Variants in TMCO6 observed in about 807,000 individuals in gnomAD.
TMCO6 encodes the protein transmembrane and coiled-coil domain-containing protein 6.
TMCO6 carries 47 observed loss-of-function variants against 61.8 expected under a neutral mutation model. The ratio of observed to expected loss-of-function variants is 0.76; its 90% CI spans 0.60 to 0.97. The LOEUF is 0.97. Among genes scored for constraint, TMCO6 ranks in the 50% least tolerant of loss-of-function variants. The pLI is 0.00. For synonymous variants in TMCO6, 261 were observed against 254.2 expected, an observed-to-expected ratio of 1.03 and a Z score of -0.25; for missense variants, 557 against 601.6, an observed-to-expected ratio of 0.93 and a Z score of 0.78.
chr5:140,637,974 CCTTT>C (rs202156970), upstream of TMCO6, among the ~76,000 whole-genome samples: 601 of 150,516 alleles, frequency 4.0e-3, 2 homozygotes, highest in Admixed American at 9.9e-3. Context: ...TTCTTTTCTC[CCTTT>C]CTTTCTTTCT....
At chr5:140,599,040 C>A in the TMCO6 span, among the ~76,000 whole-genome samples, 1 of 152,224 alleles carries the variant, frequency 6.6e-6, no homozygotes, top group Non-Finnish European at 1.5e-5. Context: ...TATCTACCAG[C>A]TATGTGTGAG....
At chr5:140,603,935 G>A in the TMCO6 span, among the ~76,000 whole-genome samples, 1 of 152,140 alleles carries the variant, frequency 6.6e-6, no homozygotes, top group Non-Finnish European at 1.5e-5. Flanking sequence ...CAGAGTAGCT[G>A]CACCATTTTA....
At chr5:140,608,184 G>A in the TMCO6 span, among the ~76,000 whole-genome samples, 1 of 152,034 alleles carries the variant, frequency 6.6e-6, no homozygotes, top group Non-Finnish European at 1.5e-5. Context: ...TTTCTTTGTG[G>A]CAATGTTCAG....
chr5:140,617,435 T>C, the TMCO6 span, among the ~76,000 whole-genome samples: 1 of 152,118 alleles, frequency 6.6e-6, no homozygotes, highest in Non-Finnish European at 1.5e-5. Flanking sequence ...ACACCTGTAA[T>C]CCCAGCTATT....
the TMCO6 span, among the ~76,000 whole-genome samples, chr5:140,601,604 G>A: frequency 9.2e-5 from 14 of 152,070 alleles, no homozygotes; most frequent in Non-Finnish European, 1.9e-4. Flanking sequence ...ACCCAGGCTG[G>A]GGTGCAGTGA....
chr5:140,630,047 T>A, the TMCO6 span, among the ~76,000 whole-genome samples: 8 of 151,182 alleles, frequency 5.3e-5, no homozygotes, highest in Non-Finnish European at 1.0e-4. Context: ...TGGAGTGCAG[T>A]GGCGTGATCT....
In TMCO6 at chr5:140,645,402, T is replaced by G. The variant is rs1297417274; in HGVS notation, c.*304T>G. On this transcript the variant is annotated 3_prime_UTR_variant, in exon 12 of 12. Coordinates refer to ENST00000394671, the MANE Select transcript of TMCO6 (RefSeq NM_018502.5). ...ACAGAATAAAGTTTTATTTTTATATTAAGCTACTTTGCCTCAGTGGTTGCA... is the reference window on the plus strand; with the variant it reads ...ACAGAATAAAGTTTTATTTTTATATGAAGCTACTTTGCCTCAGTGGTTGCA... 3 of 824,560 alleles carry G rather than the reference T, an allele frequency of 3.6e-6. No homozygotes were observed. Among genetic ancestry groups the G allele is most frequent in the Non-Finnish European group, 6.0e-6 (3 of 498,054 alleles). 51.1% of individuals were successfully genotyped at this position (824,560 alleles called of 1,614,324 possible).
At chr5:140,599,940 A>AAATAAAAT in the TMCO6 span, among the ~76,000 whole-genome samples, 299 of 148,754 alleles carry the variant, frequency 2.0e-3, no homozygotes, top group African/African-American at 6.5e-3. Context: ...AAATAAAATA[A>AAATAAAAT]AATAAAATAA....
the TMCO6 span, among the ~76,000 whole-genome samples, chr5:140,621,770 G>T: frequency 6.6e-6 from 1 of 152,164 alleles, no homozygotes; most frequent in Non-Finnish European, 1.5e-5. Flanking sequence ...ATGCACACCT[G>T]GGGGTGGGTC....
Position 140,645,171 on chromosome 5 carries a change from A to AT in TMCO6, c.*76dup. The AT allele has an allele frequency of 6.8e-7, 1 of 1,471,930 alleles. No homozygotes were observed. The highest frequency in any genetic ancestry group is 1.1e-5 in the South Asian group (1 of 87,792). 91.2% of individuals were successfully genotyped at this position (1,471,930 alleles called of 1,614,324 possible). ...TGTTTGTCCAGTAGAGCCTTTGGAG[A>AT]TTTAGGACCATAATGAGGTCTCATG... On this transcript the variant is annotated 3_prime_UTR_variant, in exon 12 of 12. Coordinates refer to ENST00000394671, the MANE Select transcript of TMCO6 (RefSeq NM_018502.5).
At chr5:140,647,730 C>A, downstream of TMCO6, 1 of 1,318,264 alleles carries the variant, frequency 7.6e-7, no homozygotes, top group South Asian at 1.2e-5. Context: ...ATTGTAGGAC[C>A]GCTGCGAGGT....
chr5:140,643,457 A>G (rs1002013647), intron 7 of TMCO6, 107 bp from the exon 8 acceptor site: 6 of 1,069,700 alleles, frequency 5.6e-6, no homozygotes, highest in Admixed American at 5.2e-5. Flanking sequence ...TCAGCCTCCC[A>G]AAGTGCTGGG....
intron 11 of TMCO6, 38 bp from the exon 12 acceptor site, chr5:140,644,947 A>C: frequency 4.4e-6 from 7 of 1,598,198 alleles, no homozygotes; most frequent in South Asian, 2.2e-5. Context: ...CTTAGGACAC[A>C]GAGACCAGGT....
upstream of TMCO6, among the ~76,000 whole-genome samples, chr5:140,635,596 T>C (rs5744446): frequency 0.019 from 2,913 of 152,256 alleles, 94 homozygotes; most frequent in African/African-American, 0.066. Flanking sequence ...CAAATGTCTA[T>C]CATTTGTCTA....
rs1280020683 is a variant in TMCO6, at chr5:140,644,612, G to A, written c.1240G>A (p.Ala414Thr). 4 of 1,614,234 alleles carry A rather than the reference G, an allele frequency of 2.5e-6. No individual in the cohort carries two copies. Among genetic ancestry groups the A allele is most frequent in the African/African-American group, 1.3e-5 (1 of 75,060 alleles). Residue 414 changes from alanine to threonine, a missense_variant, in exon 11 of 12, where the codon GCT becomes ACT. By Grantham distance (58) the Ala-to-Thr change is moderately conservative (BLOSUM62 0). Transcript: ENST00000394671. The stretch of plus-strand genomic sequence containing the variant: ...GTGCAATGTTGCAGAAAAGGGTCCT[G>A]CTTACTGCCAGCGGCTGTGGCCAGG... ...VLCNVAEKGP[A>T]YCQRLWPGPL...
upstream of TMCO6, chr5:140,639,362 G>A (rs1338310607): frequency 9.2e-6 from 6 of 649,660 alleles, no homozygotes; most frequent in East Asian, 2.9e-5. Flanking sequence ...GTCCCCGCGA[G>A]GCGTCCACTC....
chr5:140,605,722 CACACACACACACACACA>C, the TMCO6 span, among the ~76,000 whole-genome samples: 361 of 105,004 alleles, frequency 3.4e-3, 5 homozygotes, highest in African/African-American at 0.011. Context: ...CACACACACA[CACACACACACACACACA>C]AAGAAAGAAG....
the TMCO6 span, chr5:140,633,820 T>C: frequency 6.7e-6 from 1 of 148,654 alleles, no homozygotes; most frequent in Non-Finnish European, 1.5e-5. Flanking sequence ...GATAGAGTCT[T>C]GCTCTGTTGC....
At chr5:140,612,106 G>T in the TMCO6 span, among the ~76,000 whole-genome samples, 1 of 152,132 alleles carries the variant, frequency 6.6e-6, no homozygotes, top group African/African-American at 2.4e-5. Context: ...AGCAAAAGAG[G>T]AAGTTTACAG....
Sources: gnomAD v4.1 joint callset for allele counts (sites outside exome capture counted in the v4.1 genomes callset) on GRCh38, gnomAD v4.1.1 for gene constraint, MANE v1.5 for transcripts, NCBI Gene and HGNC (gene_info 2026-07-23, HGNC 2026-07-21) for gene names.